The following BLTP3B variants were observed in gnomAD, a reference collection of about 807,000 sequenced individuals.
The protein encoded by BLTP3B is bridge-like lipid transfer protein family member 3B.
At chr12:100,070,370 T>G in the BLTP3B span, among the ~76,000 whole-genome samples, 1 of 151,494 alleles carries the variant, frequency 6.6e-6, no homozygotes, top group Non-Finnish European at 1.5e-5. Flanking sequence ...CACCACAACC[T>G]CTGCCTCCCA....
At chr12:100,116,673 A>G in the BLTP3B span, among the ~76,000 whole-genome samples, 1 of 152,146 alleles carries the variant, frequency 6.6e-6, no homozygotes, top group South Asian at 2.1e-4. Flanking sequence ...CTTTTCCCCT[A>G]AGACAGGGAC....
the BLTP3B span, among the ~76,000 whole-genome samples, chr12:100,041,046 T>C: frequency 2.7e-3 from 418 of 152,234 alleles, 1 homozygote; most frequent in African/African-American, 9.6e-3. Context: ...CTGAAGAATA[T>C]AGACATAATC....
the BLTP3B span, among the ~76,000 whole-genome samples, chr12:100,053,169 C>G: frequency 6.6e-6 from 1 of 151,854 alleles, no homozygotes; most frequent in South Asian, 2.1e-4. Context: ...CTTTGGGAGG[C>G]TGAGGCGGGT....
At chr12:100,101,889 G>A in the BLTP3B span, among the ~76,000 whole-genome samples, 1 of 152,106 alleles carries the variant, frequency 6.6e-6, no homozygotes, top group Non-Finnish European at 1.5e-5. Flanking sequence ...CTGCAGCCTT[G>A]ACCTCCCGGG....
the BLTP3B span, among the ~76,000 whole-genome samples, chr12:100,126,659 A>C: frequency 6.6e-6 from 1 of 152,186 alleles, no homozygotes; most frequent in Non-Finnish European, 1.5e-5. Context: ...GATTTTTAGC[A>C]AGAAATTAAA....
chr12:100,131,060 T>C, the BLTP3B span, among the ~76,000 whole-genome samples: 1 of 144,288 alleles, frequency 6.9e-6, no homozygotes, highest in African/African-American at 2.5e-5. Context: ...TATCTTAAAA[T>C]CACTGAATTT....
chr12:100,121,385 A>C, the BLTP3B span, among the ~76,000 whole-genome samples: 1 of 151,624 alleles, frequency 6.6e-6, no homozygotes, highest in East Asian at 1.9e-4. Context: ...AGAAAATGCA[A>C]ACTAACCTAA....
chr12:100,108,358 T>C, the BLTP3B span: 1 of 1,593,822 alleles, frequency 6.3e-7, no homozygotes, highest in East Asian at 2.3e-5. Flanking sequence ...CTTCCACAAA[T>C]ATCAAGCCAC....
At chr12:100,087,161 A>G in the BLTP3B span, among the ~76,000 whole-genome samples, 2 of 147,026 alleles carry the variant, frequency 1.4e-5, no homozygotes, top group East Asian at 3.9e-4. Context: ...TCCATCTCAA[A>G]AAAAAAAAAA....
the BLTP3B span, among the ~76,000 whole-genome samples, chr12:100,125,605 G>A: frequency 1.3e-5 from 2 of 152,226 alleles, no homozygotes; most frequent in African/African-American, 2.4e-5. Context: ...CTGTGATCAC[G>A]CCATAGCACT....
the BLTP3B span, chr12:100,084,522 TGAACC>T: frequency 6.2e-7 from 1 of 1,613,758 alleles, no homozygotes; most frequent in Non-Finnish European, 8.5e-7. Flanking sequence ...ATTTAGGAGG[TGAACC>T]TACATTATGA....
At chr12:100,048,006 A>C in the BLTP3B span, 1 of 1,603,476 alleles carries the variant, frequency 6.2e-7, no homozygotes, top group Non-Finnish European at 8.5e-7. Flanking sequence ...CAACAGTTTC[A>C]TCTTCCAAAA....
the BLTP3B span, among the ~76,000 whole-genome samples, chr12:100,042,866 C>G: frequency 3.3e-5 from 5 of 152,224 alleles, no homozygotes; most frequent in Admixed American, 3.3e-4. Flanking sequence ...GTGGCACGAT[C>G]TTGGCTCACT....
chr12:100,080,982 T>C, the BLTP3B span, among the ~76,000 whole-genome samples: 1 of 152,184 alleles, frequency 6.6e-6, no homozygotes, highest in Non-Finnish European at 1.5e-5. Flanking sequence ...TGTGCTGTTC[T>C]TGTGGTAGTG....
the BLTP3B span, among the ~76,000 whole-genome samples, chr12:100,110,622 G>C: frequency 1.3e-5 from 2 of 152,244 alleles, no homozygotes; most frequent in Non-Finnish European, 2.9e-5. Context: ...ACAACTAAGA[G>C]AGAATATAGC....
chr12:100,090,802 T>A, the BLTP3B span, among the ~76,000 whole-genome samples: 2 of 152,180 alleles, frequency 1.3e-5, no homozygotes, highest in Non-Finnish European at 2.9e-5. Flanking sequence ...TTCAAAGCTA[T>A]AACAAGACTG....
the BLTP3B span, among the ~76,000 whole-genome samples, chr12:100,038,407 C>A: frequency 6.6e-6 from 1 of 152,140 alleles, no homozygotes; most frequent in Non-Finnish European, 1.5e-5. Context: ...GCAATCTCAG[C>A]TCACTGCAGC....
the BLTP3B span, chr12:100,058,489 C>G: frequency 6.2e-7 from 1 of 1,613,314 alleles, no homozygotes; most frequent in South Asian, 1.1e-5. Flanking sequence ...GATCTGTTGT[C>G]TGACATATGA....
the BLTP3B span, among the ~76,000 whole-genome samples, chr12:100,087,070 A>C: frequency 6.7e-6 from 1 of 149,896 alleles, no homozygotes; most frequent in Admixed American, 6.7e-5. Context: ...GAGGCAGGAG[A>C]ATCGCTTGAA....
Sources: gnomAD v4.1 joint callset for allele counts (sites outside exome capture counted in the v4.1 genomes callset) on GRCh38, gnomAD v4.1.1 for gene constraint, MANE v1.5 for transcripts, NCBI Gene and HGNC (gene_info 2026-07-23, HGNC 2026-07-21) for gene names.